The following SLC7A1 variants were observed in gnomAD, a reference collection of about 807,000 sequenced individuals.
SLC7A1 encodes the protein solute carrier family 7 member 1.
A neutral mutation model predicts 53.9 loss-of-function variants in SLC7A1; 10 were observed. The ratio of observed to expected loss-of-function variants is 0.19; its 90% CI spans 0.11 to 0.31. The LOEUF (loss-of-function observed/expected upper bound fraction) is 0.31, where lower values mean the gene tolerates loss of function less well. Ranked by LOEUF, SLC7A1 falls within the 10% of genes least tolerant of loss-of-function variation. The probability of loss-of-function intolerance (pLI) is 1.00; values close to 1 mark genes in which losing one functional copy is unlikely to be tolerated. For missense variants in SLC7A1, 525 were observed against 827.2 expected, an observed-to-expected ratio of 0.63 and a Z score of 4.48; for synonymous variants, 342 against 338.7, an observed-to-expected ratio of 1.01 and a Z score of -0.11.
chr13:29,547,409 T>C (rs973042754), intron 2 of SLC7A1, among the ~76,000 whole-genome samples: 3 of 152,100 alleles, frequency 2.0e-5, no homozygotes, highest in Non-Finnish European at 4.4e-5. Context: ...AGGATACAGA[T>C]AGCAGAGGCC....
intron 2 of SLC7A1, among the ~76,000 whole-genome samples, chr13:29,536,406 A>T (rs1869422583): frequency 6.6e-6 from 1 of 152,244 alleles, no homozygotes; most frequent in Non-Finnish European, 1.5e-5. Context: ...GAATTAACCC[A>T]GCAGGCCAAC....
At chr13:29,568,890 A>T (rs1027419574) in intron 1 of SLC7A1, among the ~76,000 whole-genome samples, 1 of 152,094 alleles carries the variant, frequency 6.6e-6, no homozygotes, top group Non-Finnish European at 1.5e-5. Flanking sequence ...ACACCAAGTG[A>T]CTCAGACGCG....
chr13:29,534,205 G>A (rs936706562), intron 3 of SLC7A1, among the ~76,000 whole-genome samples: 5 of 152,148 alleles, frequency 3.3e-5, no homozygotes, highest in Non-Finnish European at 7.4e-5. Flanking sequence ...AAAAATGTTT[G>A]CTGGAAAAAC....
At chr13:29,521,840 A>G (rs951388143) in intron 8 of SLC7A1, among the ~76,000 whole-genome samples, 7 of 152,200 alleles carry the variant, frequency 4.6e-5, no homozygotes, top group Admixed American at 2.6e-4. Context: ...TGGCTTCATC[A>G]GCAGCACCCT....
chr13:29,583,004 C>T (rs1180540221), intron 1 of SLC7A1, among the ~76,000 whole-genome samples: 2 of 152,222 alleles, frequency 1.3e-5, no homozygotes, highest in African/African-American at 2.4e-5. Flanking sequence ...GGAAATGTTT[C>T]CTGCTTTGTG....
intron 12 of SLC7A1, among the ~76,000 whole-genome samples, chr13:29,515,508 C>T (rs1281159672): frequency 1.3e-5 from 2 of 152,194 alleles, no homozygotes; most frequent in Non-Finnish European, 2.9e-5. Context: ...CTCAGGGCTG[C>T]GAGGCTGTAG....
intron 1 of SLC7A1, among the ~76,000 whole-genome samples, chr13:29,555,596 G>A (rs1292743208): frequency 1.3e-5 from 2 of 151,308 alleles, no homozygotes; most frequent in Admixed American, 6.6e-5. Context: ...GCATCCTGGT[G>A]CCCCACTGCA....
chr13:29,509,466 A>C lies in SLC7A1; in HGVS notation c.*5014T>G, dbSNP rs2139052013. 1 of 152,758 alleles carries C rather than the reference A, an allele frequency of 6.5e-6. No homozygotes were observed. The highest frequency in any genetic ancestry group is 2.1e-4 in the South Asian group (1 of 4,828). 9.5% of individuals were successfully genotyped at this position (152,758 alleles called of 1,614,324 possible). The stretch of plus-strand genomic sequence containing the variant: ...GCAGAAGCATGAGATAATGTACCAC[A>C]AAAGAGTTTGATTTTACAACATAAA... On this transcript the variant is annotated 3_prime_UTR_variant, in exon 13 of 13. Transcript: ENST00000380752.
At chr13:29,589,271 C>T (rs773253677) in intron 1 of SLC7A1, among the ~76,000 whole-genome samples, 2 of 152,378 alleles carry the variant, frequency 1.3e-5, no homozygotes, top group East Asian at 1.9e-4. Flanking sequence ...CTTTCCCCTA[C>T]GAACAGTCTC....
chr13:29,544,874 G>C (rs879342964), intron 2 of SLC7A1, among the ~76,000 whole-genome samples: 1 of 151,050 alleles, frequency 6.6e-6, no homozygotes, highest in Non-Finnish European at 1.5e-5. Flanking sequence ...CATCGGGGGG[G>C]GGGGGCAAGC....
chr13:29,550,879 G>A (rs1237902522), intron 2 of SLC7A1, among the ~76,000 whole-genome samples: 1 of 152,232 alleles, frequency 6.6e-6, no homozygotes, highest in Non-Finnish European at 1.5e-5. Context: ...GTGTGATAAT[G>A]AGTGAACTGG....
In SLC7A1 at chr13:29,569,937, G is replaced by A. The variant is rs530905114; in HGVS notation, c.-114-16077C>T. On this transcript the variant is annotated intron_variant, in intron 1 of 12. Coordinates refer to ENST00000380752, the MANE Select transcript of SLC7A1 (RefSeq NM_003045.5). The stretch of plus-strand genomic sequence containing the variant: ...GCTCCAACCAGCAAACAAAGCACAC[G>A]GCTGCTGGCTAGCCTGGCCACAGAC... 2.6e-5 allele frequency among the ~76,000 whole-genome samples: 4 copies of A among 152,270 alleles called. No homozygotes were observed. In the South Asian group the frequency reaches 8.3e-4, roughly 32 times the overall value.
chr13:29,592,091 G>A (rs1358032405), intron 1 of SLC7A1, among the ~76,000 whole-genome samples: 1 of 152,192 alleles, frequency 6.6e-6, no homozygotes, highest in African/African-American at 2.4e-5. Context: ...CAGGAGCGGT[G>A]CTGTTCCCAG....
At position 29,570,405 on chromosome 13, in the gene SLC7A1, G is replaced by T. The variant is rs2776948; in HGVS notation, c.-114-16545C>A. ...CGCTGTGTGAACTTGAACAAGTTAC[G>T]CTATGTTGCTGTTTCAGTTCTACCA... On this transcript the variant is annotated intron_variant, in intron 1 of 12. Transcript: ENST00000380752. Among the ~76,000 whole-genome samples, 523 of 152,302 alleles carry T rather than the reference G, an allele frequency of 3.4e-3. 4 individuals are homozygous for T. The highest frequency in any genetic ancestry group is 0.012 in the African/African-American group (491 of 41,560).
Position 29,516,177 on chromosome 13 carries a change from G to T in SLC7A1, c.1747C>A (p.Gln583Lys). 6.2e-7 allele frequency: 1 copy of T among 1,613,750 alleles called. No homozygotes were observed. Among genetic ancestry groups the T allele is most frequent in the Non-Finnish European group, 8.5e-7 (1 of 1,179,792 alleles). The change falls in exon 12 of 13, where the codon CAG becomes AAG. Residue 583 changes from glutamine (Q) to lysine (K), a missense_variant. By Grantham distance (53) the Gln-to-Lys change is moderately conservative. Coordinates refer to ENST00000380752, the MANE Select transcript of SLC7A1 (RefSeq NM_003045.5). ...ACAGCAAACCGGACCCAGGTGCCCTGGTCCAGCTGCATCATGAGATAGACG... is the reference window on the plus strand; with the variant it reads ...ACAGCAAACCGGACCCAGGTGCCCTTGTCCAGCTGCATCATGAGATAGACG... ...VNVYLMMQLD[Q>K]GTWVRFAVWM...
intron 1 of SLC7A1, among the ~76,000 whole-genome samples, chr13:29,592,140 T>G (rs1872136040): frequency 6.6e-6 from 1 of 152,196 alleles, no homozygotes; most frequent in Non-Finnish European, 1.5e-5. Flanking sequence ...ATCCTTCGTT[T>G]CAGGGCAGAT....
chr13:29,551,225 T>C (rs1341511316), intron 2 of SLC7A1, among the ~76,000 whole-genome samples: 1 of 152,168 alleles, frequency 6.6e-6, no homozygotes, highest in Non-Finnish European at 1.5e-5. Context: ...CAATGATCGA[T>C]CCATGCAACA....
At chr13:29,566,770 TA>T (rs1391813798) in intron 1 of SLC7A1, among the ~76,000 whole-genome samples, 2 of 152,238 alleles carry the variant, frequency 1.3e-5, no homozygotes, top group Admixed American at 1.3e-4. Flanking sequence ...ATCAGATTTA[TA>T]AAACTATTTT....
intron 1 of SLC7A1, among the ~76,000 whole-genome samples, chr13:29,560,522 G>C (rs1487040058): frequency 6.6e-6 from 1 of 150,872 alleles, no homozygotes; most frequent in Non-Finnish European, 1.5e-5. Context: ...ATGTATGTAT[G>C]TATTACTATT....
Sources: allele counts gnomAD v4.1 joint callset (sites outside exome capture counted in the v4.1 genomes callset), GRCh38; gene constraint gnomAD v4.1.1; transcripts MANE v1.5; gene names NCBI Gene and HGNC (gene_info 2026-07-23, HGNC 2026-07-21).